Variants in ZFHX3 observed in about 807,000 individuals in gnomAD.
ZFHX3 encodes the protein zinc finger homeobox protein 3.
ZFHX3 carries 42 observed loss-of-function variants against 279.1 expected under a neutral mutation model. That is an observed-to-expected ratio of 0.15 (90% confidence interval 0.12 to 0.19). ZFHX3 has a LOEUF of 0.19. Ranked by LOEUF, ZFHX3 falls within the 10% of genes least tolerant of loss-of-function variation. The pLI, the probability that ZFHX3 is intolerant of heterozygous loss-of-function variation, is 1.00. For missense variants in ZFHX3, 4,981 were observed against 4,754.0 expected (o/e 1.05, Z -1.40); for synonymous variants, 2,293 against 1,957.8 (o/e 1.17, Z -4.52).
At chr16:72,800,184 A>T in intron 7 of ZFHX3, 55 bp from the exon 8 acceptor site, 1 of 1,463,012 alleles carries the variant, frequency 6.8e-7, no homozygotes, top group South Asian at 1.1e-5. Context: ...ACAAAATAGG[A>T]AATGTTTAAA....
intron 2 of ZFHX3, among the ~76,000 whole-genome samples, chr16:73,543,720 C>G (rs1278964006): frequency 6.6e-6 from 1 of 152,048 alleles, no homozygotes; most frequent in African/African-American, 2.4e-5. Context: ...CCCCCGCCCC[C>G]ACCTTCTCTT....
chr16:73,685,930 G>C (rs28734502), intron 1 of ZFHX3, among the ~76,000 whole-genome samples: 8,894 of 152,190 alleles, frequency 0.058, 885 homozygotes, highest in African/African-American at 0.2. Context: ...TCTCGGAAGT[G>C]TGGGATGTTA....
At chr16:73,771,491 T>C (rs16972542) in intron 1 of ZFHX3, among the ~76,000 whole-genome samples, 1,529 of 152,288 alleles carry the variant, frequency 0.01, 28 homozygotes, top group African/African-American at 0.035. Context: ...AGTAAGGAAT[T>C]TTCCTCATTG....
intron 1 of ZFHX3, among the ~76,000 whole-genome samples, chr16:73,055,694 G>GCACACACA (rs753027373): frequency 0.013 from 1,780 of 138,056 alleles, 22 homozygotes; most frequent in East Asian, 0.024. Flanking sequence ...GCGCGCGCGC[G>GCACACACA]CGCGCACACA....
At chr16:73,296,884 T>G (rs1475962230) in intron 4 of ZFHX3, among the ~76,000 whole-genome samples, 2 of 121,874 alleles carry the variant, frequency 1.6e-5, no homozygotes, top group Non-Finnish European at 3.5e-5. Flanking sequence ...GGAATTTTTT[T>G]TTTTTTTTTT....
intron 5 of ZFHX3, among the ~76,000 whole-genome samples, chr16:73,168,638 A>G (rs1320090523): frequency 6.6e-6 from 1 of 152,100 alleles, no homozygotes; most frequent in Admixed American, 6.5e-5. Context: ...CTCCAAACCC[A>G]CATTGTCCCT....
At chr16:73,685,217 C>A (rs895830138) in intron 1 of ZFHX3, among the ~76,000 whole-genome samples, 2 of 146,558 alleles carry the variant, frequency 1.4e-5, no homozygotes, top group Non-Finnish European at 1.5e-5. Context: ...AGGGTTTCAC[C>A]GTGTTGGCCC....
At chr16:73,758,388 T>G (rs769641649) in intron 1 of ZFHX3, among the ~76,000 whole-genome samples, 2 of 152,202 alleles carry the variant, frequency 1.3e-5, no homozygotes, top group Non-Finnish European at 2.9e-5. Flanking sequence ...CTAACCTAGC[T>G]CAAATTCAGT....
intron 4 of ZFHX3, among the ~76,000 whole-genome samples, chr16:72,884,818 C>A (rs761829259): frequency 6.6e-6 from 1 of 152,316 alleles, no homozygotes; most frequent in East Asian, 1.9e-4. Flanking sequence ...TTTTCAAGAG[C>A]TTCTGGTAAA....
At chr16:73,676,422 A>T (rs1237588956) in intron 2 of ZFHX3, among the ~76,000 whole-genome samples, 1 of 151,910 alleles carries the variant, frequency 6.6e-6, no homozygotes, top group Non-Finnish European at 1.5e-5. Context: ...TTCCCCTTAA[A>T]TTTGACAGTT....
chr16:73,053,978 G>A (rs1597138432), intron 1 of ZFHX3, among the ~76,000 whole-genome samples: 1 of 150,340 alleles, frequency 6.7e-6, no homozygotes, highest in East Asian at 2.0e-4. Flanking sequence ...CGACACATCA[G>A]CAGCCCCACA....
chr16:73,249,336 C>T (rs1401164929), intron 5 of ZFHX3, among the ~76,000 whole-genome samples: 1 of 152,150 alleles, frequency 6.6e-6, no homozygotes. Context: ...TGTTCTCATG[C>T]TGCTAATAAA....
At chr16:73,155,337 A>G (rs1967051862) in intron 5 of ZFHX3, among the ~76,000 whole-genome samples, 1 of 152,168 alleles carries the variant, frequency 6.6e-6, no homozygotes, top group Non-Finnish European at 1.5e-5. Context: ...GTCAATATAA[A>G]GGATGTTGGT....
intron 1 of ZFHX3, among the ~76,000 whole-genome samples, chr16:73,053,552 G>C (rs927307310): frequency 6.6e-6 from 1 of 152,268 alleles, no homozygotes; most frequent in East Asian, 1.9e-4. Flanking sequence ...GGGCAAAGTG[G>C]GGGGAGGTGT....
chr16:73,469,805 A>G (rs1339197078), intron 2 of ZFHX3, among the ~76,000 whole-genome samples: 3 of 151,990 alleles, frequency 2.0e-5, no homozygotes, highest in Admixed American at 6.6e-5. Flanking sequence ...TTTAGTAGAG[A>G]TGGGGTTTCA....
At chr16:73,027,571 T>C (rs1330108970) in intron 1 of ZFHX3, among the ~76,000 whole-genome samples, 2 of 152,182 alleles carry the variant, frequency 1.3e-5, no homozygotes, top group African/African-American at 4.8e-5. Context: ...TGGTTTCATA[T>C]GCTAACTGCA....
intron 4 of ZFHX3, among the ~76,000 whole-genome samples, chr16:72,872,104 CA>C (rs56164835): frequency 4.0e-5 from 6 of 150,272 alleles, no homozygotes; most frequent in Non-Finnish European, 7.4e-5. Context: ...AAACAAAAAA[CA>C]AAAAAAAAAT....
At chr16:73,199,019 C>A (rs944564021) in intron 5 of ZFHX3, among the ~76,000 whole-genome samples, 1 of 152,212 alleles carries the variant, frequency 6.6e-6, no homozygotes, top group Admixed American at 6.5e-5. Flanking sequence ...TTGTGAACGT[C>A]CCGTTCAAAA....
chr16:73,035,295 T>A (rs145047640), intron 1 of ZFHX3, among the ~76,000 whole-genome samples: 1 of 152,246 alleles, frequency 6.6e-6, no homozygotes, highest in Admixed American at 6.5e-5. Context: ...ATGTGACTAA[T>A]AGAAAATCTA....
Sources: allele counts gnomAD v4.1 joint callset (sites outside exome capture counted in the v4.1 genomes callset), GRCh38; gene constraint gnomAD v4.1.1; transcripts MANE v1.5; gene names NCBI Gene and HGNC (gene_info 2026-07-23, HGNC 2026-07-21).